PIK3CB: variants seen among roughly 807,000 people sequenced by gnomAD.
PIK3CB encodes the protein phosphatidylinositol 4,5-bisphosphate 3-kinase catalytic subunit beta isoform.
In PIK3CB, 39 loss-of-function variants were observed where a neutral mutation model predicts 136.8. The ratio of observed to expected loss-of-function variants is 0.29; its 90% confidence interval spans 0.22 to 0.37. The LOEUF (loss-of-function observed/expected upper bound fraction) is 0.37. Among genes scored for constraint, PIK3CB ranks in the 10% least tolerant of loss-of-function variants. The pLI is 1.00. For missense variants in PIK3CB, 868 were observed against 1,275.4 expected (o/e 0.68, Z 4.87); for synonymous variants, 428 against 436.6 (o/e 0.98, Z 0.25).
chr3:138,692,912 T>A (rs970578648), intron 14 of PIK3CB, among the ~76,000 whole-genome samples: 5 of 152,190 alleles, frequency 3.3e-5, no homozygotes, highest in African/African-American at 1.2e-4. Flanking sequence ...ACATGTTCAC[T>A]GAAGCATTAT....
chr3:138,815,906 T>A (rs1473704740), intron 1 of PIK3CB, among the ~76,000 whole-genome samples: 1 of 152,196 alleles, frequency 6.6e-6, no homozygotes, highest in African/African-American at 2.4e-5. Flanking sequence ...CACAAAGAAA[T>A]CCTCAATACA....
intron 20 of PIK3CB, among the ~76,000 whole-genome samples, chr3:138,664,576 T>G (rs1327164920): frequency 1.3e-5 from 2 of 152,218 alleles, no homozygotes; most frequent in African/African-American, 4.8e-5. Context: ...CAAAAATACT[T>G]GCAGACCATT....
intron 1 of PIK3CB, among the ~76,000 whole-genome samples, chr3:138,822,827 T>C (rs898101300): frequency 4.1e-5 from 6 of 145,300 alleles, no homozygotes; most frequent in Non-Finnish European, 9.0e-5. Context: ...ATATGAAATA[T>C]ATATACAAAA....
intron 1 of PIK3CB, among the ~76,000 whole-genome samples, chr3:138,828,753 A>T (rs912389979): frequency 6.6e-6 from 1 of 151,920 alleles, no homozygotes; most frequent in Non-Finnish European, 1.5e-5. Flanking sequence ...TAGGCAGCAT[A>T]AGGAGACCCC....
At chr3:138,659,403 C>A (rs1198931298) in intron 21 of PIK3CB, among the ~76,000 whole-genome samples, 1 of 151,952 alleles carries the variant, frequency 6.6e-6, no homozygotes, top group Non-Finnish European at 1.5e-5. Flanking sequence ...GGTCCCCCAG[C>A]TGCCTGGGGA....
chr3:138,665,709 C>T (rs567279517), intron 19 of PIK3CB, among the ~76,000 whole-genome samples: 10 of 152,154 alleles, frequency 6.6e-5, no homozygotes, highest in Admixed American at 6.5e-4. Flanking sequence ...GCTGGGACTA[C>T]AGGCATGTGC....
At chr3:138,823,422 C>T (rs1261672029) in intron 1 of PIK3CB, among the ~76,000 whole-genome samples, 2 of 148,822 alleles carry the variant, frequency 1.3e-5, no homozygotes, top group African/African-American at 4.9e-5. Flanking sequence ...AAAAAAGCAA[C>T]GGTCGGGCAA....
chr3:138,710,655 GCTTCA>G (rs2044477411), intron 10 of PIK3CB, among the ~76,000 whole-genome samples: 1 of 152,280 alleles, frequency 6.6e-6, no homozygotes, highest in South Asian at 2.1e-4. Context: ...TTTTCTCTGA[GCTTCA>G]CTTATCTGTA....
intron 12 of PIK3CB, among the ~76,000 whole-genome samples, chr3:138,699,866 T>C (rs536409276): frequency 6.6e-6 from 1 of 152,116 alleles, no homozygotes; most frequent in East Asian, 1.9e-4. Flanking sequence ...AAGGAGCACT[T>C]ACTTACTTTA....
intron 5 of PIK3CB, among the ~76,000 whole-genome samples, chr3:138,739,781 A>G (rs1314908024): frequency 6.6e-6 from 1 of 151,236 alleles, no homozygotes; most frequent in East Asian, 2.0e-4. Context: ...CCCTGCCTGT[A>G]GTCCCAGCTA....
At chr3:138,690,463 T>C (rs1265162282) in intron 15 of PIK3CB, among the ~76,000 whole-genome samples, 2 of 151,998 alleles carry the variant, frequency 1.3e-5, no homozygotes, top group East Asian at 1.9e-4. Context: ...TTTACTCTTA[T>C]ATGAACTTGG....
intron 6 of PIK3CB, 148 bp from the exon 7 acceptor site, chr3:138,734,952 ATTTTTT>A: frequency 5.4e-6 from 1 of 183,816 alleles, no homozygotes. Context: ...AAAAAAAAAA[ATTTTTT>A]TTTTTTTTTT....
chr3:138,692,930 A>C (rs2044039568), intron 14 of PIK3CB, among the ~76,000 whole-genome samples: 1 of 152,236 alleles, frequency 6.6e-6, no homozygotes, highest in African/African-American at 2.4e-5. Context: ...TATTTATAAT[A>C]GGGAAATGTG....
chr3:138,820,823 G>C (rs1933528461), intron 1 of PIK3CB, among the ~76,000 whole-genome samples: 1 of 152,184 alleles, frequency 6.6e-6, no homozygotes, highest in Non-Finnish European at 1.5e-5. Context: ...AATGGCTACA[G>C]AGCATTCAAT....
In PIK3CB at chr3:138,712,953, T is replaced by C. The variant is rs189322751; in HGVS notation, c.1303-649A>G. The stretch of plus-strand genomic sequence containing the variant: ...AGCTTTCAACCTACATAAATCTCAA[T>C]ATGGAAGGAGATAATGTCTCTAGGC... On this transcript the variant is annotated intron_variant, in intron 9 of 23. Transcript: ENST00000674063. Among the ~76,000 whole-genome samples, 505 of 152,196 alleles carry C rather than the reference T, an allele frequency of 3.3e-3. 6 individuals are homozygous for C. The highest frequency in any genetic ancestry group is 0.01 in the African/African-American group (430 of 41,530).
intron 1 of PIK3CB, among the ~76,000 whole-genome samples, chr3:138,821,269 C>T (rs1338894198): frequency 1.4e-5 from 2 of 140,824 alleles, no homozygotes; most frequent in Admixed American, 1.5e-4. Flanking sequence ...GGCGACAGAA[C>T]GAGACTCCGT....
At chr3:138,734,839 C>A (rs762900330) in intron 6 of PIK3CB, 35 bp from the exon 7 acceptor site, 28 of 1,434,296 alleles carry the variant, frequency 2.0e-5, no homozygotes, top group Non-Finnish European at 2.3e-5. Flanking sequence ...TATTGATTTT[C>A]ATGCCAACAC....
intron 1 of PIK3CB, among the ~76,000 whole-genome samples, chr3:138,832,733 G>A (rs1314437691): frequency 1.3e-5 from 2 of 151,294 alleles, no homozygotes; most frequent in African/African-American, 2.4e-5. Flanking sequence ...GGAGGCTATG[G>A]CAGGAGAATC....
rs78536752 is a variant in PIK3CB, at chr3:138,712,278, C to T, written c.1329G>A (p.Thr443=). 74 of 1,575,186 alleles carry T rather than the reference C, an allele frequency of 4.7e-5. No individual in the cohort carries two copies. The highest frequency in any genetic ancestry group is 1.2e-4 in the Admixed American group (7 of 56,712). Residue 443 remains threonine (T), a synonymous_variant, in exon 10 of 24, where the codon ACG becomes ACA. Transcript: ENST00000674063. ...KVHYPVAWVN[T]MVFDFKGQLR... is the part of the protein sequence containing the mutation. Reference sequence around the variant, plus strand: ...ATTGTCCTTTAAAGTCAAAAACCATCGTATTTACCCACGCTACAGGATAAT... The same window carrying T: ...ATTGTCCTTTAAAGTCAAAAACCATTGTATTTACCCACGCTACAGGATAAT...
Sources: allele counts gnomAD v4.1 joint callset (sites outside exome capture counted in the v4.1 genomes callset), GRCh38; gene constraint gnomAD v4.1.1; transcripts MANE v1.5; gene names NCBI Gene and HGNC (gene_info 2026-07-23, HGNC 2026-07-21).